The following TUBGCP2 variants were observed in gnomAD, a reference collection of about 807,000 sequenced individuals.
TUBGCP2 encodes the protein gamma-tubulin complex component 2.
In TUBGCP2, 55 loss-of-function variants were observed where a neutral mutation model predicts 92.2. The observed-to-expected ratio is 0.60, with a 90% confidence interval of 0.48 to 0.75. The LOEUF (loss-of-function observed/expected upper bound fraction) is 0.75. Among genes scored for constraint, TUBGCP2 ranks in the 30% least tolerant of loss-of-function variants. The probability of loss-of-function intolerance (pLI) is 0.00; values close to 1 mark genes in which losing one functional copy is unlikely to be tolerated. For missense variants in TUBGCP2, 1,093 were observed against 1,188.9 expected, an observed-to-expected ratio of 0.92 and a Z score of 1.19; for synonymous variants, 533 against 505.2, an observed-to-expected ratio of 1.06 and a Z score of -0.74.
chr10:133,311,328 G>A (rs1225541903), upstream of TUBGCP2, among the ~76,000 whole-genome samples: 1 of 152,156 alleles, frequency 6.6e-6, no homozygotes, highest in African/African-American at 2.4e-5. Context: ...TCATTTTAAG[G>A]AGAAAAACCG....
chr10:133,302,698 C>T (rs1847700743), intron 2 of TUBGCP2, 94 bp downstream of exon 2: 1 of 1,543,788 alleles, frequency 6.5e-7, no homozygotes, highest in African/African-American at 1.4e-5. Flanking sequence ...GGCGCTCACC[C>T]TGCACCCTGA....
At position 133,308,825 on chromosome 10, in the gene TUBGCP2, C is replaced by A. The variant is rs935652407; in HGVS notation, c.-42G>T. The A allele has an allele frequency of 1.0e-5, 9 of 867,598 alleles. No individual in the cohort carries two copies. The East Asian group carries it at 2.0e-4, about 19-fold the overall frequency. 53.7% of individuals were successfully genotyped at this position (867,598 alleles called of 1,614,324 possible). A position where few individuals can be genotyped will look rare whatever the true frequency, so the allele number is the denominator to read the frequency against. ...GCCCGCGTTCGGCCAGGACTCACCG[C>A]AGTCCCGGAGCCACAGCCCCCGCGC... On this transcript the variant is annotated splice_region_variant and 5_prime_UTR_variant, in exon 1 of 18. Transcript: ENST00000252936.
intron 7 of TUBGCP2, 59 bp downstream of exon 7, chr10:133,292,980 G>A (rs1847396847): frequency 1.3e-6 from 2 of 1,573,558 alleles, no homozygotes; most frequent in African/African-American, 2.7e-5. Context: ...CTCACACTGG[G>A]TGCCATGTTC....
rs114953919 is a variant in TUBGCP2 at position 133,287,366 on chromosome 10, G to A, written c.1722+763C>T. ...GGGAGGCGCAGGTGAAGGATCGCTT[G>A]AGCCCAGGGGTTCAACCAGCCTGGG... On this transcript the variant is annotated intron_variant, in intron 11 of 17. Transcript: ENST00000252936. Among the ~76,000 whole-genome samples the A allele has an allele frequency of 5.0e-3, 757 of 152,316 alleles. 7 individuals carry two copies. Among genetic ancestry groups the A allele is most frequent in the African/African-American group, 0.017 (711 of 41,568 alleles).
rs936919922 is a variant in TUBGCP2 at position 133,302,970 on chromosome 10, A to G, written c.-29T>C. 1.2e-6 allele frequency: 2 copies of G among 1,613,524 alleles called. No homozygotes were observed. The highest frequency in any genetic ancestry group is 2.2e-5 in the East Asian group (1 of 44,886). Reference sequence around the variant, plus strand: ...TTTAGCTCTGAGGCACGAACATCACAATATGTTCTCCTATAGGTAAGAAGA... The same window carrying G: ...TTTAGCTCTGAGGCACGAACATCACGATATGTTCTCCTATAGGTAAGAAGA... On this transcript the variant is annotated 5_prime_UTR_variant, in exon 2 of 18. Transcript: ENST00000252936.
Position 133,293,083 on chromosome 10 carries a change from T to G in TUBGCP2, c.980A>C (p.Tyr327Ser). 6.2e-7 allele frequency: 1 copy of G among 1,613,764 alleles called. No individual in the cohort carries two copies. Among genetic ancestry groups the G allele is most frequent in the African/African-American group, 1.3e-5 (1 of 75,046 alleles). Residue 327 changes from tyrosine to serine, a missense_variant, in exon 7 of 18, where the codon TAC becomes TCC. Coordinates refer to ENST00000252936, the MANE Select transcript of TUBGCP2 (RefSeq NM_006659.4). ...CATGGTGCGCATGGCTGGCTGGATG[T>G]AGAACCAGAGCTTCTGCAGCGAAAG... ...GLLSLQKLWF[Y>S]IQPAMRTMDI... is the part of the protein sequence containing the mutation.
chr10:133,299,606 GA>G lies in TUBGCP2; in HGVS notation c.280-4del. On this transcript the variant is annotated splice_region_variant and splice_polypyrimidine_tract_variant and intron_variant, in intron 3 of 17. Coordinates refer to ENST00000252936, the MANE Select transcript of TUBGCP2 (RefSeq NM_006659.4). ...TTCTGTTGTAAGTACTGCAGAGTCT[GA>G]AAACATGTAAAACTGTGTGTTCACA... The G allele has an allele frequency of 3.1e-6, 5 of 1,600,506 alleles. No individual in the cohort carries two copies. The highest frequency in any genetic ancestry group is 4.3e-6 in the Non-Finnish European group (5 of 1,170,910).
chr10:133,307,025 G>A (rs1394759694), intron 1 of TUBGCP2, among the ~76,000 whole-genome samples: 1 of 152,240 alleles, frequency 6.6e-6, no homozygotes, highest in East Asian at 1.9e-4. Flanking sequence ...TCATGGAAGG[G>A]TGCTCTCGCT....
In TUBGCP2 at chr10:133,285,294, G is replaced by A. The variant is rs377093018; in HGVS notation, c.1896-81C>T. 227 of 1,598,094 alleles carry A rather than the reference G, an allele frequency of 1.4e-4. No homozygotes were observed. The highest frequency in any genetic ancestry group is 1.1e-3 in the East Asian group (51 of 44,464). ...ACACGGCGTCTGTACTCCACAGTCC[G>A]CACCGTGGCCCCCGGACAGCCCGTG... On this transcript the variant is annotated intron_variant, in intron 12 of 17. Transcript: ENST00000252936. This position sits in a 1 kb window ranked among gnomAD's most constrained non-coding sequence, Gnocchi z 6.8.
rs747541512 is a variant in TUBGCP2 at position 133,293,184 on chromosome 10, C to T, written c.879G>A (p.Ala293=). The stretch of plus-strand genomic sequence containing the variant: ...CCTTCACCAGGGTGCGCATGGCGGC[C>T]GCCAGGGCGTGGTTCACCTGCCCGT... The part of the protein sequence containing the change: ...FEYGQVNHAL[A]AAMRTLVKEH... Residue 293 remains alanine, a synonymous_variant, in exon 7 of 18, where the codon GCG becomes GCA. Coordinates refer to ENST00000252936, the MANE Select transcript of TUBGCP2 (RefSeq NM_006659.4). 6.2e-6 allele frequency: 10 copies of T among 1,613,862 alleles called. No individual in the cohort carries two copies. The highest frequency in any genetic ancestry group is 4.4e-5 in the South Asian group (4 of 91,088).
At chr10:133,309,856 C>G (rs750184797), upstream of TUBGCP2, 4 of 1,613,818 alleles carry the variant, frequency 2.5e-6, no homozygotes, top group South Asian at 4.4e-5. Flanking sequence ...CACTACCACA[C>G]GCTGCACGGA....
Position 133,288,201 on chromosome 10 carries a change from G to T in TUBGCP2, c.1650C>A (p.Arg550=), listed in dbSNP as rs1246937774. ...GCGCCAGCTCCAGGAGCGCTTCCAGGCGAGGGGGCGTGATGTCCTCCACCG... is the reference window on the plus strand; with the variant it reads ...GCGCCAGCTCCAGGAGCGCTTCCAGTCGAGGGGGCGTGATGTCCTCCACCG... ...RKPVEDITPP[R]LEALLELALR... The change falls in exon 11 of 18, where the codon CGC becomes CGA. Residue 550 remains arginine (R), a synonymous_variant. Coordinates refer to ENST00000252936, the MANE Select transcript of TUBGCP2 (RefSeq NM_006659.4). 6.2e-7 allele frequency: 1 copy of T among 1,613,782 alleles called. No individual in the cohort carries two copies. The highest frequency in any genetic ancestry group is 2.2e-5 in the East Asian group (1 of 44,894).
At chr10:133,282,834 A>C (rs913696531) in intron 15 of TUBGCP2, among the ~76,000 whole-genome samples, 1 of 152,256 alleles carries the variant, frequency 6.6e-6, no homozygotes, top group Non-Finnish European at 1.5e-5. Context: ...GACAGAGACC[A>C]GCACCACAGA....
chr10:133,308,933 C>T, upstream of TUBGCP2: 1 of 1,221,032 alleles, frequency 8.2e-7, no homozygotes, highest in Non-Finnish European at 1.0e-6. Flanking sequence ...CGCCCGCCCG[C>T]GCCCGGGGTG....
At chr10:133,303,655 C>T (rs906385262) in intron 1 of TUBGCP2, among the ~76,000 whole-genome samples, 46 of 152,180 alleles carry the variant, frequency 3.0e-4, no homozygotes, top group Non-Finnish European at 2.1e-4. Context: ...TCTCAGAGCC[C>T]GCGGTGCTCA....
At chr10:133,283,021 G>A in intron 15 of TUBGCP2, 57 bp downstream of exon 15, 2 of 1,605,698 alleles carry the variant, frequency 1.2e-6, no homozygotes, top group South Asian at 2.2e-5. Context: ...CCACGGTCGG[G>A]ACATGGTCTG....
At chr10:133,281,684 GAA>G (rs1398142031) in intron 16 of TUBGCP2, among the ~76,000 whole-genome samples, 4 of 152,274 alleles carry the variant, frequency 2.6e-5, no homozygotes, top group Non-Finnish European at 5.9e-5. Context: ...GGGGTGAGAT[GAA>G]CGAGCTTTCC....
upstream of TUBGCP2, chr10:133,309,811 G>C: frequency 3.1e-6 from 5 of 1,613,502 alleles, no homozygotes; most frequent in Non-Finnish European, 4.2e-6. Flanking sequence ...GCCGGCTGCT[G>C]CCAGGTGTTC....
chr10:133,285,191 T>G lies in TUBGCP2; in HGVS notation c.1918A>C (p.Met640Leu). The G allele has an allele frequency of 6.2e-7, 1 of 1,613,086 alleles. No individual in the cohort carries two copies. Among genetic ancestry groups the G allele is most frequent in the Non-Finnish European group, 8.5e-7 (1 of 1,179,976 alleles). The change falls in exon 13 of 18, where the codon ATG (methionine) becomes CTG (leucine). Residue 640 changes from methionine (M) to leucine (L), a missense_variant. Coordinates refer to ENST00000252936, the MANE Select transcript of TUBGCP2 (RefSeq NM_006659.4). This position sits in a 1 kb window ranked among gnomAD's most constrained non-coding sequence, Gnocchi z 6.8. ...INRKALTRYQ[M>L]LFRHMFYCKH... The stretch of plus-strand genomic sequence containing the variant: ...CAGTAGAACATGTGCCTGAAGAGCA[T>G]CTGGTAGCGAGTGAGGGCTTTCCTG...
Sources: allele counts gnomAD v4.1 joint callset (sites outside exome capture counted in the v4.1 genomes callset), GRCh38; gene constraint gnomAD v4.1.1; non-coding constraint Gnocchi (gnomAD v3.1); transcripts MANE v1.5; gene names NCBI Gene and HGNC (gene_info 2026-07-23, HGNC 2026-07-21).